MYH14: variants seen among roughly 807,000 people sequenced by gnomAD.
MYH14 encodes myosin-14.
A neutral mutation model predicts 255.5 loss-of-function variants in MYH14; 123 were observed. The observed-to-expected ratio is 0.48, with a 90% CI of 0.42 to 0.56. The LOEUF (loss-of-function observed/expected upper bound fraction) is 0.56. Ranked by LOEUF, MYH14 falls within the 20% of genes least tolerant of loss-of-function variation. The probability of loss-of-function intolerance (pLI) is 0.00; values close to 1 mark genes in which losing one functional copy is unlikely to be tolerated. For missense variants in MYH14, 2,423 were observed against 2,802.3 expected, an observed-to-expected ratio of 0.86 and a Z score of 3.06; for synonymous variants, 1,095 against 1,161.2, an observed-to-expected ratio of 0.94 and a Z score of 1.16.
intron 11 of MYH14, among the ~76,000 whole-genome samples, chr19:50,246,107 C>T (rs369131951): frequency 8.6e-5 from 4 of 46,298 alleles, no homozygotes; most frequent in South Asian, 1.1e-3. Context: ...TCCCTCCCTT[C>T]CTTTCTTCCT....
At chr19:50,228,276 A>G (rs1395414436) in intron 8 of MYH14, among the ~76,000 whole-genome samples, 1 of 145,288 alleles carries the variant, frequency 6.9e-6, no homozygotes, top group Non-Finnish European at 1.5e-5. Flanking sequence ...ACAGAGCGAG[A>G]CTCTGTGTCA....
intron 24 of MYH14, among the ~76,000 whole-genome samples, chr19:50,270,615 A>G (rs17372204): frequency 0.18 from 27,803 of 151,598 alleles, 3,193 homozygotes; most frequent in African/African-American, 0.32. Context: ...CAGTGTGCCC[A>G]ATGACTGTCA....
At position 50,268,220 on chromosome 19, in the gene MYH14, A is replaced by G. The variant is rs1461285825; in HGVS notation, c.2886A>G (p.Ala962=). ...TGCGAGCAGAGGCAGAACTGTGTGCAGAGGCCGAGGAGACGCGGGGGAGGC... is the reference window on the plus strand; with the variant it reads ...TGCGAGCAGAGGCAGAACTGTGTGCGGAGGCCGAGGAGACGCGGGGGAGGC... ...EQLRAEAELC[A]EAEETRGRLA... The change falls in exon 24 of 43, where the codon GCA becomes GCG. Residue 962 remains alanine, a synonymous_variant. Transcript: ENST00000642316. 1.3e-6 allele frequency: 2 copies of G among 1,559,570 alleles called. No homozygotes were observed. Among genetic ancestry groups the G allele is most frequent in the South Asian group, 2.4e-5 (2 of 84,502 alleles).
At chr19:50,268,055 C>T (rs750593991) in intron 23 of MYH14, 106 bp from the exon 24 acceptor site, 131 of 1,417,228 alleles carry the variant, frequency 9.2e-5, no homozygotes, top group Non-Finnish European at 1.2e-4. Flanking sequence ...TCAGTCCTGC[C>T]CTGGAGAACT....
At chr19:50,205,357 G>T in intron 1 of MYH14, 1 of 153,984 alleles carries the variant, frequency 6.5e-6, no homozygotes, top group Non-Finnish European at 1.5e-5. Flanking sequence ...CCTTCCCCCG[G>T]CCCCCGTCAG....
chr19:50,260,643 C>T lies in MYH14; in HGVS notation c.2355-3C>T. On this transcript the variant is annotated splice_polypyrimidine_tract_variant and splice_region_variant and intron_variant, in intron 19 of 42. Coordinates refer to ENST00000642316, the MANE Select transcript of MYH14 (RefSeq NM_001145809.2). ...CCTCCCCACCCCTCCCTGCTCATTG[C>T]AGATACGAGATCCTGACACCCAATG... 1.2e-6 allele frequency: 2 copies of T among 1,611,392 alleles called. No homozygotes were observed. Among genetic ancestry groups the T allele is most frequent in the Non-Finnish European group, 1.7e-6 (2 of 1,178,022 alleles).
chr19:50,223,807 C>T (rs550428872), intron 5 of MYH14, among the ~76,000 whole-genome samples: 8 of 152,152 alleles, frequency 5.3e-5, no homozygotes, highest in South Asian at 4.2e-4. Context: ...GGTCATGCAC[C>T]GAGGAAGAGG....
intron 27 of MYH14, among the ~76,000 whole-genome samples, chr19:50,273,506 T>C (rs2035389825): frequency 6.6e-6 from 1 of 152,072 alleles, no homozygotes; most frequent in African/African-American, 2.4e-5. Flanking sequence ...CTGTGCTTCA[T>C]GCAATCTAAG....
chr19:50,231,462 C>T (rs535570541), intron 9 of MYH14, among the ~76,000 whole-genome samples: 3 of 152,302 alleles, frequency 2.0e-5, no homozygotes, highest in Admixed American at 6.5e-5. Flanking sequence ...AATCCCAGTA[C>T]TTTGGGAGGG....
chr19:50,260,815 G>A (rs1200985739), intron 20 of MYH14, 100 bp downstream of exon 20: 2 of 800,482 alleles, frequency 2.5e-6, no homozygotes, highest in African/African-American at 2.6e-5. Context: ...GCATGCGTGT[G>A]TGTGCAAGTG....
chr19:50,289,379 C>A, intron 34 of MYH14, 57 bp from the exon 35 acceptor site: 2 of 1,419,898 alleles, frequency 1.4e-6, no homozygotes, highest in Non-Finnish European at 9.7e-7. Context: ...TCTAGCTAGG[C>A]TCCTAACCTC....
chr19:50,236,633 G>A (rs928486289), intron 10 of MYH14, among the ~76,000 whole-genome samples: 15 of 151,886 alleles, frequency 9.9e-5, no homozygotes, highest in African/African-American at 3.1e-4. Flanking sequence ...GCTTGAACCC[G>A]GGAGGCGGAG....
Position 50,276,941 on chromosome 19 carries a change from G to GAGGGC in MYH14, c.3825+49_3825+53dup. 6.9e-7 allele frequency: 1 copy of GAGGGC among 1,452,760 alleles called. No homozygotes were observed. Among genetic ancestry groups the GAGGGC allele is most frequent in the East Asian group, 2.4e-5 (1 of 41,598 alleles). The allele number at this position is 1,452,760 out of a possible 1,614,324, so 90.0% of individuals were successfully genotyped here. A position where few individuals can be genotyped will look rare whatever the true frequency, so the allele number is the denominator to read the frequency against. Reference sequence around the variant, plus strand: ...GGGGACAGGGCAGGGGGGCCACGGGGAGGGCAGGGCAGGACGCGGGGTTGG... The same window carrying GAGGGC: ...GGGGACAGGGCAGGGGGGCCACGGGGAGGGCAGGGCAGGGCAGGACGCGGGGTTGG... On this transcript the variant is annotated intron_variant, in intron 29 of 42. Coordinates refer to ENST00000642316, the MANE Select transcript of MYH14 (RefSeq NM_001145809.2). The surrounding 1 kb of genome is among the most constrained non-coding windows in gnomAD (Gnocchi z 4.3).
chr19:50,267,278 A>G (rs2035123676), intron 23 of MYH14, among the ~76,000 whole-genome samples: 1 of 151,148 alleles, frequency 6.6e-6, no homozygotes, highest in South Asian at 2.1e-4. Context: ...AGAGTCCTGC[A>G]GAGCCAGAAT....
intron 29 of MYH14, among the ~76,000 whole-genome samples, chr19:50,277,136 G>A (rs1449039599): frequency 6.6e-6 from 1 of 152,194 alleles, no homozygotes; most frequent in African/African-American, 2.4e-5. Flanking sequence ...CTTCCCTTGT[G>A]GAGCTTTCCT....
chr19:50,263,214 C>T, intron 21 of MYH14, 98 bp from the exon 22 acceptor site: 1 of 841,522 alleles, frequency 1.2e-6, no homozygotes, highest in Middle Eastern at 2.4e-4. Flanking sequence ...AACAAACAAA[C>T]AAACAAAGAA....
chr19:50,230,143 C>A lies in MYH14; in HGVS notation c.875-382C>A. Reference sequence around the variant, plus strand: ...GGCCAGGCTGGTCTTGAACTCCTGACCTCAGGTGATCCGCCTGCCTTGGCT... The same window carrying A: ...GGCCAGGCTGGTCTTGAACTCCTGAACTCAGGTGATCCGCCTGCCTTGGCT... On this transcript the variant is annotated intron_variant, in intron 8 of 42. Transcript: ENST00000642316. This position sits in a 1 kb window ranked among gnomAD's most constrained non-coding sequence, Gnocchi z 4.7. 6.6e-6 allele frequency among the ~76,000 whole-genome samples: 1 copy of A among 152,188 alleles called. No homozygotes were observed. The highest frequency in any genetic ancestry group is 1.5e-5 in the Non-Finnish European group (1 of 68,036).
chr19:50,293,137 C>T lies in MYH14; in HGVS notation c.5257-96C>T. ...ACCCAGGGACAGCATGAGAAAAAAG[C>T]CAAGAGCCTTGAGGTGTGAGGGACA... On this transcript the variant is annotated intron_variant, in intron 37 of 42. Coordinates refer to ENST00000642316, the MANE Select transcript of MYH14 (RefSeq NM_001145809.2). This position sits in a 1 kb window ranked among gnomAD's most constrained non-coding sequence, Gnocchi z 4.1. 1 of 869,426 alleles carries T rather than the reference C, an allele frequency of 1.2e-6. No homozygotes were observed. The highest frequency in any genetic ancestry group is 2.2e-4 in the Middle Eastern group (1 of 4,606). The allele number at this position is 869,426 out of a possible 1,614,324, so 53.9% of individuals were successfully genotyped here. A position where few individuals can be genotyped will look rare whatever the true frequency, so the allele number is the denominator to read the frequency against.
chr19:50,256,286 A>T (rs1456646352), intron 17 of MYH14, among the ~76,000 whole-genome samples: 1 of 152,134 alleles, frequency 6.6e-6, no homozygotes, highest in Non-Finnish European at 1.5e-5. Flanking sequence ...CAGAAAACAA[A>T]CAAACAACAG....
Sources: allele counts gnomAD v4.1 joint callset (sites outside exome capture counted in the v4.1 genomes callset), GRCh38; gene constraint gnomAD v4.1.1; non-coding constraint Gnocchi (gnomAD v3.1); transcripts MANE v1.5; gene names NCBI Gene and HGNC (gene_info 2026-07-23, HGNC 2026-07-21).